Variants in TENM2 observed in about 807,000 individuals in gnomAD.
TENM2 encodes the protein teneurin-2.
A neutral mutation model predicts 245.2 loss-of-function variants in TENM2; 52 were observed. That is an observed-to-expected ratio of 0.21 (90% CI 0.17 to 0.27). The LOEUF (loss-of-function observed/expected upper bound fraction) is 0.27, where lower values mean the gene tolerates loss of function less well. Ranked by LOEUF, TENM2 falls within the 10% of genes least tolerant of loss-of-function variation. The pLI is 1.00. For missense variants in TENM2, 3,046 were observed against 3,666.8 expected, an observed-to-expected ratio of 0.83 and a Z score of 4.37; for synonymous variants, 1,363 against 1,438.9, an observed-to-expected ratio of 0.95 and a Z score of 1.19.
intron 2 of TENM2, among the ~76,000 whole-genome samples, chr5:167,677,064 G>T (rs1756379611): frequency 6.6e-6 from 1 of 152,048 alleles, no homozygotes. Flanking sequence ...TATTCCATCT[G>T]CCTTTCCACA....
chr5:168,156,490 T>C (rs1035193862), intron 12 of TENM2, among the ~76,000 whole-genome samples: 5 of 152,194 alleles, frequency 3.3e-5, no homozygotes, highest in African/African-American at 4.8e-5. Flanking sequence ...CCTATTTCTC[T>C]CTTCGTACCC....
At chr5:167,796,354 T>A (rs1765315138) in intron 2 of TENM2, among the ~76,000 whole-genome samples, 2 of 152,138 alleles carry the variant, frequency 1.3e-5, no homozygotes, top group African/African-American at 4.8e-5. Context: ...TTTAACTCAA[T>A]CTTCTCTCCA....
intron 2 of TENM2, among the ~76,000 whole-genome samples, chr5:167,428,911 G>A (rs1179050481): frequency 1.3e-5 from 2 of 152,122 alleles, no homozygotes; most frequent in Non-Finnish European, 2.9e-5. Flanking sequence ...GCTCATGGTA[G>A]TTCACTGAGA....
chr5:167,110,889 T>C, the TENM2 span, among the ~76,000 whole-genome samples: 113 of 152,224 alleles, frequency 7.4e-4, 1 homozygote, highest in Non-Finnish European at 1.0e-3. Flanking sequence ...AATTTGTACT[T>C]GCATTCATTG....
chr5:167,849,231 C>T (rs1043735598), intron 2 of TENM2, among the ~76,000 whole-genome samples: 2 of 152,038 alleles, frequency 1.3e-5, no homozygotes, highest in Non-Finnish European at 2.9e-5. Context: ...TCTCCTAGAC[C>T]GCTAACCCTC....
the TENM2 span, among the ~76,000 whole-genome samples, chr5:167,258,756 C>T: frequency 6.6e-6 from 1 of 152,108 alleles, no homozygotes; most frequent in Non-Finnish European, 1.5e-5. Context: ...TCCATTAAAA[C>T]TTCAACACAA....
intron 2 of TENM2, among the ~76,000 whole-genome samples, chr5:167,736,008 AC>A (rs1760771234): frequency 6.6e-6 from 1 of 152,170 alleles, no homozygotes; most frequent in Non-Finnish European, 1.5e-5. Flanking sequence ...GTCTGTTCTC[AC>A]ACTGCTAATA....
At position 167,872,544 on chromosome 5, in the gene TENM2, GAA is replaced by G. The variant is rs1187752345; in HGVS notation, c.503-3440_503-3439del. Among the ~76,000 whole-genome samples the G allele has an allele frequency of 3.6e-3, 178 of 48,864 alleles. 1 individual carries two copies. Among genetic ancestry groups the G allele is most frequent in the African/African-American group, 9.0e-3 (164 of 18,226 alleles). The allele number at this position is 48,864 out of a possible 152,430, so 32.1% of individuals were successfully genotyped here. A position where few individuals can be genotyped will look rare whatever the true frequency, so the allele number is the denominator to read the frequency against. On this transcript the variant is annotated intron_variant, in intron 2 of 28. Coordinates refer to ENST00000518659, the Ensembl canonical transcript of TENM2. ...AGAAAGAAAGAAAGAAAGAAAGAAA[GAA>G]AGAGAAAGAAAGAAAGAAAGAAAGA...
At chr5:168,214,454 C>A (rs960121611) in intron 20 of TENM2, among the ~76,000 whole-genome samples, 10 of 152,224 alleles carry the variant, frequency 6.6e-5, no homozygotes, top group Non-Finnish European at 1.2e-4. Flanking sequence ...ACCCACATTT[C>A]TTTACACTAA....
intron 2 of TENM2, among the ~76,000 whole-genome samples, chr5:167,618,840 C>A (rs1777967660): frequency 6.6e-6 from 1 of 152,080 alleles, no homozygotes; most frequent in Admixed American, 6.6e-5. Flanking sequence ...GTCTTATTTT[C>A]TCCACTCCCT....
chr5:167,268,478 G>T, the TENM2 span, among the ~76,000 whole-genome samples: 1 of 152,090 alleles, frequency 6.6e-6, no homozygotes, highest in Non-Finnish European at 1.5e-5. Context: ...TGCCTTGTTT[G>T]TGTTAATTCA....
At chr5:167,684,029 C>T (rs1277277745) in intron 2 of TENM2, among the ~76,000 whole-genome samples, 1 of 152,174 alleles carries the variant, frequency 6.6e-6, no homozygotes, top group Non-Finnish European at 1.5e-5. Flanking sequence ...CAGAAGGTCT[C>T]CTCCTGCAGC....
At chr5:167,402,450 C>A (rs974903921) in intron 2 of TENM2, among the ~76,000 whole-genome samples, 2 of 152,018 alleles carry the variant, frequency 1.3e-5, no homozygotes, top group Admixed American at 1.3e-4. Context: ...TATAATAATA[C>A]ACAGAACATA....
intron 2 of TENM2, among the ~76,000 whole-genome samples, chr5:167,501,253 T>C (rs1459164174): frequency 6.6e-6 from 1 of 152,164 alleles, no homozygotes; most frequent in Non-Finnish European, 1.5e-5. Context: ...GTGTTCCCAT[T>C]ACACTGCATT....
At position 167,900,111 on chromosome 5, in the gene TENM2, T is replaced by TAAAAAAA. The variant is rs71853736; in HGVS notation, c.712+23932_712+23938dup. Among the ~76,000 whole-genome samples, 125 of 43,458 alleles carry TAAAAAAA rather than the reference T, an allele frequency of 2.9e-3. 8 individuals are homozygous for TAAAAAAA. The highest frequency in any genetic ancestry group is 0.023 in the East Asian group (26 of 1,126). 28.5% of individuals were successfully genotyped at this position (43,458 alleles called of 152,430 possible). A position where few individuals can be genotyped will look rare whatever the true frequency, so the allele number is the denominator to read the frequency against. On this transcript the variant is annotated intron_variant, in intron 3 of 28. Coordinates refer to ENST00000518659, the Ensembl canonical transcript of TENM2. ...CTTTCTGTCTGTGCCCTCAACCCAC[T>TAAAAAAA]AAAAAAAAAAAAAAAAAAAAAAGGG...
intron 2 of TENM2, among the ~76,000 whole-genome samples, chr5:167,489,580 T>A (rs1768298378): frequency 6.6e-6 from 1 of 152,174 alleles, no homozygotes; most frequent in Non-Finnish European, 1.5e-5. Context: ...TATTTATTTA[T>A]ATTTGATGTC....
chr5:168,080,824 A>G (rs1441223602), intron 7 of TENM2, among the ~76,000 whole-genome samples: 1 of 152,110 alleles, frequency 6.6e-6, no homozygotes, highest in Non-Finnish European at 1.5e-5. Flanking sequence ...GTTCTTTTAC[A>G]TTTGCTGAGG....
chr5:168,118,565 C>A, intron 10 of TENM2, 79 bp downstream of exon 12: 6 of 1,112,862 alleles, frequency 5.4e-6, no homozygotes, highest in Non-Finnish European at 7.3e-6. Flanking sequence ...TGAGCCCAGT[C>A]CTGGGCTGCG....
chr5:167,512,360 T>G (rs1770024477), intron 2 of TENM2, among the ~76,000 whole-genome samples: 1 of 152,218 alleles, frequency 6.6e-6, no homozygotes, highest in African/African-American at 2.4e-5. Flanking sequence ...TCTTGCTTTT[T>G]AAATTTGAGT....
Sources: gnomAD v4.1 joint callset for allele counts (sites outside exome capture counted in the v4.1 genomes callset) on GRCh38, gnomAD v4.1.1 for gene constraint, MANE v1.5 for transcripts, NCBI Gene and HGNC (gene_info 2026-07-23, HGNC 2026-07-21) for gene names.